KCNIP4: variants seen among roughly 807,000 people sequenced by gnomAD.
The protein encoded by KCNIP4 is potassium voltage-gated channel interacting protein 4, also known as Kv channel-interacting protein 4.
A neutral mutation model predicts 34.0 loss-of-function variants in KCNIP4; 12 were observed. The ratio of observed to expected loss-of-function variants is 0.35; its 90% confidence interval spans 0.23 to 0.57. KCNIP4 has a LOEUF of 0.57. KCNIP4 is among the 20% of genes least tolerant of loss of function. The probability of loss-of-function intolerance (pLI) is 0.83; values close to 1 mark genes in which losing one functional copy is unlikely to be tolerated. For missense variants in KCNIP4, 238 were observed against 311.7 expected (o/e 0.76, Z 1.78); for synonymous variants, 124 against 102.2 (o/e 1.21, Z -1.29).
chr4:21,411,351 T>A (rs1189056360), intron 1 of KCNIP4, among the ~76,000 whole-genome samples: 1 of 152,148 alleles, frequency 6.6e-6, no homozygotes, highest in Non-Finnish European at 1.5e-5. Flanking sequence ...GGCCAGTGAG[T>A]TGGTTTGCTT....
chr4:21,541,401 A>G (rs999735317), intron 1 of KCNIP4, among the ~76,000 whole-genome samples: 2 of 152,074 alleles, frequency 1.3e-5, no homozygotes, highest in Non-Finnish European at 2.9e-5. Flanking sequence ...CCCTGAGGGA[A>G]TGTTTATTCT....
intron 1 of KCNIP4, among the ~76,000 whole-genome samples, chr4:21,476,946 G>A (rs189113101): frequency 2.9e-3 from 441 of 152,126 alleles, no homozygotes; most frequent in African/African-American, 0.01. Flanking sequence ...ACTCTGTCCT[G>A]GGCACTGTCC....
intron 1 of KCNIP4, among the ~76,000 whole-genome samples, chr4:21,008,520 G>C (rs994445986): frequency 7.1e-5 from 7 of 98,844 alleles, no homozygotes; most frequent in African/African-American, 2.7e-4. Context: ...TTTTCTTTTT[G>C]TTTTTGTTTT....
intron 1 of KCNIP4, among the ~76,000 whole-genome samples, chr4:20,995,248 T>A (rs1737441596): frequency 6.6e-6 from 1 of 152,110 alleles, no homozygotes; most frequent in African/African-American, 2.4e-5. Flanking sequence ...CTTATAGAGA[T>A]CTTTTTCTCT....
intron 1 of KCNIP4, among the ~76,000 whole-genome samples, chr4:21,133,071 GA>G (rs1751207754): frequency 6.6e-6 from 1 of 152,036 alleles, no homozygotes; most frequent in African/African-American, 2.4e-5. Flanking sequence ...CCCTTTTAGG[GA>G]AGGGAATTCA....
At chr4:20,950,845 A>C (rs1732707155) in intron 1 of KCNIP4, among the ~76,000 whole-genome samples, 2 of 151,962 alleles carry the variant, frequency 1.3e-5, no homozygotes, top group African/African-American at 2.4e-5. Flanking sequence ...TGCAGGGTGC[A>C]CTCTCTGCTG....
At chr4:21,242,922 C>CT (rs1759957128) in intron 1 of KCNIP4, among the ~76,000 whole-genome samples, 1 of 146,266 alleles carries the variant, frequency 6.8e-6, no homozygotes, top group African/African-American at 2.5e-5. Flanking sequence ...GTGTGTATTG[C>CT]TTTTTTCCTC....
At chr4:21,890,381 C>T (rs926968492) in intron 1 of KCNIP4, among the ~76,000 whole-genome samples, 1 of 152,118 alleles carries the variant, frequency 6.6e-6, no homozygotes, top group Non-Finnish European at 1.5e-5. Flanking sequence ...TACAGTCTGA[C>T]TCTCCTTGAA....
At chr4:21,094,122 T>C (rs1385968968) in intron 1 of KCNIP4, among the ~76,000 whole-genome samples, 2 of 152,092 alleles carry the variant, frequency 1.3e-5, no homozygotes, top group Non-Finnish European at 1.5e-5. Context: ...TTTAATTTAG[T>C]GCTATACCTT....
chr4:20,872,482 A>G (rs1029352587), intron 2 of KCNIP4, among the ~76,000 whole-genome samples: 1 of 152,176 alleles, frequency 6.6e-6, no homozygotes, highest in Non-Finnish European at 1.5e-5. Flanking sequence ...AGATAAAAAA[A>G]CAATGCTCTG....
chr4:20,900,387 C>A (rs1187270532), intron 1 of KCNIP4, among the ~76,000 whole-genome samples: 1 of 152,162 alleles, frequency 6.6e-6, no homozygotes, highest in Admixed American at 6.5e-5. Flanking sequence ...TAAGGCCACC[C>A]CATAAACTAT....
intron 1 of KCNIP4, among the ~76,000 whole-genome samples, chr4:21,487,497 CT>C (rs1309615510): frequency 1.4e-5 from 2 of 144,626 alleles, no homozygotes; most frequent in Non-Finnish European, 3.1e-5. Flanking sequence ...TAAAGTCATT[CT>C]TTTTTATCCT....
chr4:20,733,923 T>C (rs1461470901), intron 6 of KCNIP4, among the ~76,000 whole-genome samples: 1 of 152,146 alleles, frequency 6.6e-6, no homozygotes, highest in Admixed American at 6.5e-5. Flanking sequence ...TTCATGTCAT[T>C]TGCTGTTGGC....
At chr4:21,088,754 C>G (rs1425557818) in intron 1 of KCNIP4, among the ~76,000 whole-genome samples, 3 of 152,132 alleles carry the variant, frequency 2.0e-5, no homozygotes, top group African/African-American at 7.2e-5. Flanking sequence ...TGCCTTCTCT[C>G]CCTAGACAAG....
rs554522414 is a variant in KCNIP4 at position 20,926,498 on chromosome 4, A to G, written c.62-43789T>C. Among the ~76,000 whole-genome samples, 2 of 152,314 alleles carry G rather than the reference A, an allele frequency of 1.3e-5. 1 individual carries two copies. Among genetic ancestry groups the G allele is most frequent in the South Asian group, 4.1e-4 (2 of 4,824 alleles). ...TTTTAAAACTCTAGTACATTGCAAGACACCTTCAGCTGCATTCATGAAGAG... is the reference window on the plus strand; with the variant it reads ...TTTTAAAACTCTAGTACATTGCAAGGCACCTTCAGCTGCATTCATGAAGAG... On this transcript the variant is annotated intron_variant, in intron 1 of 8. Transcript: ENST00000382152.
intron 1 of KCNIP4, among the ~76,000 whole-genome samples, chr4:21,802,025 T>C (rs1560725457): frequency 6.6e-6 from 1 of 151,876 alleles, no homozygotes; most frequent in Non-Finnish European, 1.5e-5. Context: ...GCTAAGGTCC[T>C]GAAGTTCTTC....
At chr4:21,559,368 T>C (rs529561424) in intron 1 of KCNIP4, among the ~76,000 whole-genome samples, 16 of 152,254 alleles carry the variant, frequency 1.1e-4, no homozygotes, top group African/African-American at 3.9e-4. Flanking sequence ...CATTCGATGA[T>C]ATATTGTAGA....
intron 1 of KCNIP4, among the ~76,000 whole-genome samples, chr4:21,073,698 C>T (rs1169240034): frequency 2.0e-5 from 3 of 152,106 alleles, no homozygotes; most frequent in East Asian, 3.9e-4. Flanking sequence ...TGGGAGAGGG[C>T]GTCCCTGTCT....
chr4:21,047,701 A>G (rs919230736), intron 1 of KCNIP4, among the ~76,000 whole-genome samples: 65 of 152,176 alleles, frequency 4.3e-4, no homozygotes, highest in African/African-American at 1.6e-3. Context: ...AATCCAATCT[A>G]ATTCCACATG....
Sources: gnomAD v4.1 joint callset for allele counts (sites outside exome capture counted in the v4.1 genomes callset) on GRCh38, gnomAD v4.1.1 for gene constraint, MANE v1.5 for transcripts, NCBI Gene and HGNC (gene_info 2026-07-23, HGNC 2026-07-21) for gene names.